The following PDE11A variants were observed in gnomAD, a reference collection of about 807,000 sequenced individuals.
PDE11A encodes the protein dual 3',5'-cyclic-AMP and -GMP phosphodiesterase 11A.
Under a neutral mutation model 100.5 loss-of-function variants are expected in PDE11A, and 100 were observed. That is an observed-to-expected ratio of 1.00 (90% CI 0.85 to 1.18). PDE11A has a LOEUF of 1.18. Among genes scored for constraint, PDE11A ranks in the 50% most tolerant of loss-of-function variants. The pLI is 0.00. For synonymous variants in PDE11A, 381 were observed against 420.8 expected (o/e 0.91, Z 1.16); for missense variants, 1,141 against 1,152.6 (o/e 0.99, Z 0.15).
chr2:177,738,076 T>C (rs1366645720), intron 10 of PDE11A, among the ~76,000 whole-genome samples: 5 of 152,178 alleles, frequency 3.3e-5, no homozygotes, highest in Non-Finnish European at 7.3e-5. Flanking sequence ...CACATGGAAA[T>C]CCAAGATCAG....
chr2:178,004,635 G>A (rs897213491), intron 2 of PDE11A, among the ~76,000 whole-genome samples: 1 of 152,202 alleles, frequency 6.6e-6, no homozygotes, highest in Non-Finnish European at 1.5e-5. Context: ...TCAGAGAAGA[G>A]TTTATAAGAC....
At chr2:177,794,662 C>T (rs562256355) in intron 9 of PDE11A, among the ~76,000 whole-genome samples, 1 of 152,272 alleles carries the variant, frequency 6.6e-6, no homozygotes, top group South Asian at 2.1e-4. Context: ...TTGGATGAAT[C>T]TAATTCCTTG....
rs2086316847 is a variant in PDE11A at position 178,014,906 on chromosome 2, A to G, written c.913-446T>C. The stretch of plus-strand genomic sequence containing the variant: ...AAAAAAAATCTATGAGTACATAATG[A>G]TATTTCAAAATCCTCCCAAAAAGAT... On this transcript the variant is annotated intron_variant, in intron 1 of 19. Coordinates refer to ENST00000286063, the MANE Select transcript of PDE11A (RefSeq NM_016953.4). 3.9e-5 allele frequency among the ~76,000 whole-genome samples: 6 copies of G among 152,152 alleles called. No homozygotes were observed. The South Asian group carries it at 1.2e-3, about 32-fold the overall frequency.
At chr2:177,943,963 C>A (rs370395315) in intron 2 of PDE11A, among the ~76,000 whole-genome samples, 3 of 152,300 alleles carry the variant, frequency 2.0e-5, no homozygotes, top group African/African-American at 4.8e-5. Context: ...TTTCCCAGCA[C>A]AACTTATTGA....
chr2:177,810,020 C>T (rs1275460387), intron 9 of PDE11A, among the ~76,000 whole-genome samples: 1 of 152,140 alleles, frequency 6.6e-6, no homozygotes, highest in Non-Finnish European at 1.5e-5. Context: ...TCATCCTCAT[C>T]TAAGGATATA....
At chr2:177,857,580 A>T (rs1265013532) in intron 5 of PDE11A, among the ~76,000 whole-genome samples, 1 of 152,054 alleles carries the variant, frequency 6.6e-6, no homozygotes. Context: ...AAGTTTTTGT[A>T]TACTATGGAT....
intron 19 of PDE11A, among the ~76,000 whole-genome samples, chr2:177,634,544 C>A (rs12469884): frequency 6.6e-6 from 1 of 151,810 alleles, no homozygotes; most frequent in Admixed American, 6.6e-5. Context: ...CCCGCCACCA[C>A]GCCTGGCTAA....
chr2:177,701,363 T>C (rs1250578646), intron 13 of PDE11A, 152 bp from the exon 14 acceptor site: 2 of 667,060 alleles, frequency 3.0e-6, no homozygotes, highest in Non-Finnish European at 5.5e-6. Flanking sequence ...ATCTATGAAA[T>C]AAATCGTTCA....
At chr2:178,079,348 G>A (rs1447862386) in intron 2 of PDE11A, among the ~76,000 whole-genome samples, 3 of 151,720 alleles carry the variant, frequency 2.0e-5, no homozygotes, top group African/African-American at 7.3e-5. Flanking sequence ...ATGTCCATGT[G>A]TTCTCATTGT....
At chr2:177,845,479 C>G (rs901761618) in intron 5 of PDE11A, among the ~76,000 whole-genome samples, 2 of 150,664 alleles carry the variant, frequency 1.3e-5, no homozygotes, top group South Asian at 2.1e-4. Context: ...TGATGGCGGC[C>G]GGGAAGAGGT....
intron 9 of PDE11A, among the ~76,000 whole-genome samples, chr2:177,795,935 CTATATATATATATATATATA>C (rs55861102): frequency 0.044 from 2,966 of 67,298 alleles, 204 homozygotes; most frequent in African/African-American, 0.11. Flanking sequence ...TTTGTTTAAA[CTATATATATATATATATATA>C]TATATATATA....
chr2:177,881,335 C>G (rs1345754660), intron 4 of PDE11A, among the ~76,000 whole-genome samples: 1 of 138,692 alleles, frequency 7.2e-6, no homozygotes, highest in African/African-American at 2.7e-5. Context: ...TATCTATCAT[C>G]TATCTGTCTA....
intron 12 of PDE11A, among the ~76,000 whole-genome samples, chr2:177,713,055 C>T (rs2081379435): frequency 6.6e-6 from 1 of 152,096 alleles, no homozygotes; most frequent in Non-Finnish European, 1.5e-5. Context: ...ATCACCCAGG[C>T]TGGAGTGCAA....
chr2:177,784,919 A>G (rs2082510417), intron 9 of PDE11A, among the ~76,000 whole-genome samples: 1 of 152,240 alleles, frequency 6.6e-6, no homozygotes. Context: ...GGTCAGTGGT[A>G]GGATTTAATC....
At chr2:177,959,693 G>A (rs773932877) in intron 2 of PDE11A, among the ~76,000 whole-genome samples, 5 of 152,118 alleles carry the variant, frequency 3.3e-5, no homozygotes, top group Non-Finnish European at 7.4e-5. Context: ...GAAAGGCTTT[G>A]GAGAAAATAG....
At chr2:177,989,274 C>T (rs749614911) in intron 2 of PDE11A, among the ~76,000 whole-genome samples, 2 of 152,158 alleles carry the variant, frequency 1.3e-5, no homozygotes, top group Non-Finnish European at 2.9e-5. Context: ...AATGCTGTTT[C>T]CTAAAGCAAT....
intron 9 of PDE11A, among the ~76,000 whole-genome samples, chr2:177,791,964 A>G (rs1253558322): frequency 2.0e-5 from 3 of 152,134 alleles, no homozygotes; most frequent in Non-Finnish European, 4.4e-5. Context: ...TGATTTTTCT[A>G]AGTTTTTAGT....
intron 5 of PDE11A, among the ~76,000 whole-genome samples, chr2:177,871,679 G>A (rs2105688571): frequency 6.6e-6 from 1 of 151,932 alleles, no homozygotes; most frequent in African/African-American, 2.4e-5. Flanking sequence ...GCAACACAGT[G>A]AGACTCCTGT....
At chr2:178,042,768 C>A (rs2086699894) in intron 1 of PDE11A, among the ~76,000 whole-genome samples, 1 of 152,044 alleles carries the variant, frequency 6.6e-6, no homozygotes, top group African/African-American at 2.4e-5. Context: ...GGATATTCTG[C>A]CATGAAGCCT....
Sources: allele counts gnomAD v4.1 joint callset (sites outside exome capture counted in the v4.1 genomes callset), GRCh38; gene constraint gnomAD v4.1.1; transcripts MANE v1.5; gene names NCBI Gene and HGNC (gene_info 2026-07-23, HGNC 2026-07-21).